CNTNAP2: variants seen among roughly 807,000 people sequenced by gnomAD.
The protein encoded by CNTNAP2 is contactin associated protein 2.
In CNTNAP2, 98 loss-of-function variants were observed where a neutral mutation model predicts 155.2. The observed-to-expected ratio is 0.63, with a 90% CI of 0.54 to 0.75. CNTNAP2 has a LOEUF of 0.75. CNTNAP2 is among the 30% of genes least tolerant of loss of function. The pLI is 0.00. For synonymous variants in CNTNAP2, 651 were observed against 631.2 expected (o/e 1.03, Z -0.47); for missense variants, 1,727 against 1,688.1 (o/e 1.02, Z -0.40).
intron 8 of CNTNAP2, among the ~76,000 whole-genome samples, chr7:147,217,930 A>G (rs1248656745): frequency 6.6e-6 from 1 of 152,018 alleles, no homozygotes; most frequent in Non-Finnish European, 1.5e-5. Flanking sequence ...AGTTTTGGAC[A>G]TAGACTTGTT....
intron 1 of CNTNAP2, among the ~76,000 whole-genome samples, chr7:146,723,528 T>C (rs1801375745): frequency 6.6e-6 from 1 of 152,164 alleles, no homozygotes; most frequent in Non-Finnish European, 1.5e-5. Flanking sequence ...AAGAAGTTGA[T>C]CAGAATGATG....
intron 9 of CNTNAP2, among the ~76,000 whole-genome samples, chr7:147,363,562 A>AT (rs1796179312): frequency 6.6e-6 from 1 of 151,984 alleles, no homozygotes. Context: ...TATTCTGATC[A>AT]TACCTCAAAT....
intron 15 of CNTNAP2, among the ~76,000 whole-genome samples, chr7:148,060,225 G>A (rs1265306641): frequency 1.3e-5 from 2 of 152,036 alleles, no homozygotes; most frequent in Non-Finnish European, 1.5e-5. Flanking sequence ...AAATAAAAAT[G>A]TTTTGAACCT....
At chr7:146,682,102 T>A (rs1800514949) in intron 1 of CNTNAP2, among the ~76,000 whole-genome samples, 1 of 151,900 alleles carries the variant, frequency 6.6e-6, no homozygotes, top group Admixed American at 6.6e-5. Flanking sequence ...GCAAAAATGA[T>A]GCTTTATGAA....
At chr7:146,175,596 G>C (rs765038371) in intron 1 of CNTNAP2, among the ~76,000 whole-genome samples, 1 of 152,122 alleles carries the variant, frequency 6.6e-6, no homozygotes. Flanking sequence ...TAGAATCTAC[G>C]TGGAATCTTA....
intron 18 of CNTNAP2, among the ~76,000 whole-genome samples, chr7:148,183,711 G>A (rs1387910978): frequency 6.6e-6 from 1 of 151,816 alleles, no homozygotes; most frequent in Non-Finnish European, 1.5e-5. Context: ...CAAACTCCTG[G>A]CATCAGGGTA....
At chr7:148,267,654 C>CAAA (rs767655781) in intron 21 of CNTNAP2, among the ~76,000 whole-genome samples, 30 of 87,056 alleles carry the variant, frequency 3.4e-4, no homozygotes, top group African/African-American at 1.0e-3. Flanking sequence ...GACTCTGTCT[C>CAAA]AAAAAAAAAA....
chr7:146,297,692 A>G (rs1800536074), intron 1 of CNTNAP2, among the ~76,000 whole-genome samples: 1 of 152,160 alleles, frequency 6.6e-6, no homozygotes. Flanking sequence ...TTTGAAATGT[A>G]TAGTAATTGG....
At chr7:146,670,495 C>T (rs1333570426) in intron 1 of CNTNAP2, among the ~76,000 whole-genome samples, 1 of 152,122 alleles carries the variant, frequency 6.6e-6, no homozygotes, top group Admixed American at 6.6e-5. Context: ...TAAAATTCTG[C>T]CCTGTTTATA....
intron 13 of CNTNAP2, among the ~76,000 whole-genome samples, chr7:147,679,985 T>C (rs1425060787): frequency 6.6e-6 from 1 of 151,910 alleles, no homozygotes; most frequent in African/African-American, 2.4e-5. Flanking sequence ...TTTTTTTTAA[T>C]TCCACTGGTT....
chr7:146,741,345 C>G (rs763351967), intron 1 of CNTNAP2, among the ~76,000 whole-genome samples: 10 of 152,104 alleles, frequency 6.6e-5, no homozygotes, highest in Non-Finnish European at 1.3e-4. Context: ...CTGGCTCCCA[C>G]AAGGCATTTT....
intron 12 of CNTNAP2, among the ~76,000 whole-genome samples, chr7:147,570,153 A>G (rs1290080421): frequency 6.9e-6 from 1 of 144,946 alleles, no homozygotes; most frequent in Non-Finnish European, 1.5e-5. Context: ...ACAGCCCTTA[A>G]TTACACCTGC....
chr7:147,925,284 G>GCA (rs1491305418), intron 14 of CNTNAP2, among the ~76,000 whole-genome samples: 8 of 23,982 alleles, frequency 3.3e-4, no homozygotes, highest in East Asian at 1.5e-3. Context: ...ACACACACAA[G>GCA]CGCGCGCGCA....
chr7:147,013,642 C>T (rs1489413774), intron 3 of CNTNAP2, among the ~76,000 whole-genome samples: 3 of 152,020 alleles, frequency 2.0e-5, no homozygotes, highest in Admixed American at 1.3e-4. Context: ...CATCCGTGTC[C>T]GTCTATCCCC....
intron 15 of CNTNAP2, among the ~76,000 whole-genome samples, chr7:148,048,758 G>A (rs1305468126): frequency 6.6e-6 from 1 of 152,148 alleles, no homozygotes; most frequent in African/African-American, 2.4e-5. Flanking sequence ...CTTGGCCAAT[G>A]GCTGGAGCTG....
chr7:147,858,562 T>C (rs1426944785), intron 13 of CNTNAP2, among the ~76,000 whole-genome samples: 1 of 152,230 alleles, frequency 6.6e-6, no homozygotes, highest in Non-Finnish European at 1.5e-5. Flanking sequence ...ATAGGTTGAA[T>C]TCTTAACTCC....
At chr7:146,730,485 T>C (rs1801506736) in intron 1 of CNTNAP2, among the ~76,000 whole-genome samples, 1 of 152,176 alleles carries the variant, frequency 6.6e-6, no homozygotes, top group Admixed American at 6.5e-5. Flanking sequence ...TCTCAGTAAC[T>C]TGATAGGCTT....
intron 13 of CNTNAP2, among the ~76,000 whole-genome samples, chr7:147,775,061 T>A (rs1797538048): frequency 6.6e-6 from 1 of 150,798 alleles, no homozygotes; most frequent in Non-Finnish European, 1.5e-5. Context: ...CTCATGGAAC[T>A]CTGTTCTTCC....
At chr7:147,164,432 T>A (rs898451467) in intron 8 of CNTNAP2, among the ~76,000 whole-genome samples, 6 of 152,228 alleles carry the variant, frequency 3.9e-5, no homozygotes, top group African/African-American at 1.4e-4. Context: ...TGTGCTTTTA[T>A]TTTTTAAAAA....
Sources: gnomAD v4.1 joint callset for allele counts (sites outside exome capture counted in the v4.1 genomes callset) on GRCh38, gnomAD v4.1.1 for gene constraint, MANE v1.5 for transcripts, NCBI Gene and HGNC (gene_info 2026-07-23, HGNC 2026-07-21) for gene names.